YAP1: variants seen among roughly 807,000 people sequenced by gnomAD.
The protein encoded by YAP1 is Yes1 associated transcriptional regulator.
In YAP1, 5 loss-of-function variants were observed where a neutral mutation model predicts 56.9. That is an observed-to-expected ratio of 0.09 (90% CI 0.05 to 0.18). The LOEUF is 0.18. Ranked by LOEUF, YAP1 falls within the 10% of genes least tolerant of loss-of-function variation. The probability of loss-of-function intolerance (pLI) is 1.00; values close to 1 mark genes in which losing one functional copy is unlikely to be tolerated. For missense variants in YAP1, 539 were observed against 651.8 expected, an observed-to-expected ratio of 0.83 and a Z score of 1.88; for synonymous variants, 265 against 248.1, an observed-to-expected ratio of 1.07 and a Z score of -0.64.
chr11:102,183,191 C>G (rs942184971), intron 3 of YAP1, among the ~76,000 whole-genome samples: 1 of 152,202 alleles, frequency 6.6e-6, no homozygotes, highest in Non-Finnish European at 1.5e-5. Context: ...TCTGAGCTGT[C>G]TCTTGCAGGA....
intron 6 of YAP1, among the ~76,000 whole-genome samples, chr11:102,222,812 G>A (rs1800705968): frequency 6.6e-6 from 1 of 151,798 alleles, no homozygotes; most frequent in East Asian, 1.9e-4. Context: ...GTTGGGGGTT[G>A]GGGAAGGATT....
intron 4 of YAP1, among the ~76,000 whole-genome samples, chr11:102,191,526 C>A (rs751890003): frequency 6.6e-6 from 1 of 152,122 alleles, no homozygotes; most frequent in African/African-American, 2.4e-5. Context: ...AGATTCAATG[C>A]AGTTAATCTT....
At chr11:102,123,647 T>TG (rs146683907) in intron 2 of YAP1, among the ~76,000 whole-genome samples, 1 of 125,342 alleles carries the variant, frequency 8.0e-6, no homozygotes. Flanking sequence ...TTTTTTTTTC[T>TG]TTTTTTTTTC....
chr11:102,132,010 C>T (rs1235843105), intron 2 of YAP1, among the ~76,000 whole-genome samples: 1 of 151,976 alleles, frequency 6.6e-6, no homozygotes, highest in Non-Finnish European at 1.5e-5. Context: ...CCCAGCTACT[C>T]GGGAGGCTGA....
intron 2 of YAP1, among the ~76,000 whole-genome samples, chr11:102,115,986 A>G (rs528197435): frequency 1.1e-4 from 16 of 152,320 alleles, no homozygotes; most frequent in South Asian, 4.1e-4. Flanking sequence ...AGCAACATTT[A>G]TGCTCTTCTT....
At chr11:102,192,117 C>T (rs952809588) in intron 4 of YAP1, among the ~76,000 whole-genome samples, 2 of 152,300 alleles carry the variant, frequency 1.3e-5, no homozygotes, top group South Asian at 4.1e-4. Context: ...TATAGTGTAG[C>T]CCATTCTACT....
intron 2 of YAP1, among the ~76,000 whole-genome samples, chr11:102,118,750 C>A (rs79575434): frequency 1.7e-4 from 24 of 137,908 alleles, no homozygotes; most frequent in Admixed American, 2.8e-4. Flanking sequence ...GACTCTATCT[C>A]AAAAAAAAAA....
At chr11:102,118,446 A>AT (rs1943434029) in intron 2 of YAP1, among the ~76,000 whole-genome samples, 1 of 139,238 alleles carries the variant, frequency 7.2e-6, no homozygotes, top group African/African-American at 2.6e-5. Context: ...ACATAGGCTG[A>AT]TTCTTTTTTC....
intron 4 of YAP1, among the ~76,000 whole-genome samples, chr11:102,200,830 T>C (rs1008083693): frequency 6.6e-6 from 1 of 152,184 alleles, no homozygotes; most frequent in Admixed American, 6.5e-5. Flanking sequence ...ACAGATTTCT[T>C]ATCCTTAGTG....
intron 2 of YAP1, 101 bp downstream of exon 2, chr11:102,114,495 T>C (rs1273174010): frequency 7.3e-7 from 1 of 1,361,168 alleles, no homozygotes; most frequent in Non-Finnish European, 9.8e-7. Flanking sequence ...TATTTTTATG[T>C]TTTATTTAAT....
intron 3 of YAP1, among the ~76,000 whole-genome samples, chr11:102,181,201 T>C (rs529467234): frequency 2.6e-4 from 40 of 151,580 alleles, no homozygotes; most frequent in African/African-American, 9.2e-4. Flanking sequence ...ATCCCAGCAC[T>C]TTGGGAGGTT....
chr11:102,111,243 C>T (rs1942882004), intron 1 of YAP1, 74 bp downstream of exon 1: 2 of 1,568,712 alleles, frequency 1.3e-6, no homozygotes, highest in East Asian at 4.6e-5. Flanking sequence ...GGAGCCGCGG[C>T]CGCCAGCTCT....
At chr11:102,161,630 T>A (rs200525905) in intron 2 of YAP1, among the ~76,000 whole-genome samples, 2 of 152,162 alleles carry the variant, frequency 1.3e-5, no homozygotes, top group East Asian at 3.9e-4. Flanking sequence ...TTCTGGCTAT[T>A]AATGCAGGAT....
At chr11:102,210,191 A>T (rs1157838698) in intron 6 of YAP1, among the ~76,000 whole-genome samples, 1 of 152,210 alleles carries the variant, frequency 6.6e-6, no homozygotes, top group Non-Finnish European at 1.5e-5. Flanking sequence ...TAACACAGGC[A>T]CTTGTCTGAC....
intron 3 of YAP1, among the ~76,000 whole-genome samples, chr11:102,184,171 A>G (rs943141437): frequency 3.3e-5 from 5 of 151,984 alleles, no homozygotes; most frequent in African/African-American, 1.2e-4. Context: ...TGACTTGTTC[A>G]TCACCATGTA....
At chr11:102,165,684 T>C (rs1946564681) in intron 3 of YAP1, among the ~76,000 whole-genome samples, 1 of 152,188 alleles carries the variant, frequency 6.6e-6, no homozygotes. Context: ...AATTCTTATT[T>C]ATATACCAGG....
chr11:102,225,454 C>G (rs949363137), intron 7 of YAP1, among the ~76,000 whole-genome samples: 4 of 152,192 alleles, frequency 2.6e-5, no homozygotes, highest in African/African-American at 9.7e-5. Flanking sequence ...CGTTGCACTC[C>G]AGCCTGGGCA....
intron 3 of YAP1, among the ~76,000 whole-genome samples, chr11:102,178,540 T>C (rs1365197752): frequency 1.3e-5 from 2 of 152,242 alleles, no homozygotes; most frequent in Non-Finnish European, 2.9e-5. Flanking sequence ...TTCAGTGTTA[T>C]GACATGGAGT....
intron 6 of YAP1, among the ~76,000 whole-genome samples, chr11:102,209,788 G>C (rs1394959876): frequency 6.6e-6 from 1 of 151,976 alleles, no homozygotes; most frequent in East Asian, 1.9e-4. Flanking sequence ...TGTTTATTTT[G>C]ATTCCATGGA....
Sources: gnomAD v4.1 joint callset for allele counts (sites outside exome capture counted in the v4.1 genomes callset) on GRCh38, gnomAD v4.1.1 for gene constraint, MANE v1.5 for transcripts, NCBI Gene and HGNC (gene_info 2026-07-23, HGNC 2026-07-21) for gene names.